PKNOX2: variants seen among roughly 807,000 people sequenced by gnomAD.
PKNOX2 encodes the protein homeobox protein PKNOX2.
Under a neutral mutation model 53.1 loss-of-function variants are expected in PKNOX2, and 14 were observed. The observed-to-expected ratio is 0.26, with a 90% CI of 0.17 to 0.41. The LOEUF (loss-of-function observed/expected upper bound fraction) is 0.41. Among genes scored for constraint, PKNOX2 ranks in the 10% least tolerant of loss-of-function variants. PKNOX2 has a pLI of 1.00. For missense variants in PKNOX2, 496 were observed against 602.8 expected, an observed-to-expected ratio of 0.82 and a Z score of 1.85; for synonymous variants, 257 against 242.8, an observed-to-expected ratio of 1.06 and a Z score of -0.54.
chr11:125,212,077 C>A (rs189637050), intron 1 of PKNOX2, among the ~76,000 whole-genome samples: 1 of 152,254 alleles, frequency 6.6e-6, no homozygotes, highest in East Asian at 1.9e-4. Flanking sequence ...CCTCGCAATC[C>A]TTTTCATGTT....
chr11:125,425,429 C>G (rs1229881672), intron 10 of PKNOX2, among the ~76,000 whole-genome samples: 1 of 152,154 alleles, frequency 6.6e-6, no homozygotes, highest in Non-Finnish European at 1.5e-5. Context: ...GTATCTACTT[C>G]TTTTTCAAGG....
At chr11:125,406,281 G>T (rs4553379) in intron 7 of PKNOX2, among the ~76,000 whole-genome samples, 51 of 152,168 alleles carry the variant, frequency 3.4e-4, no homozygotes, top group Non-Finnish European at 6.9e-4. Flanking sequence ...GACTAAGCCT[G>T]GACTGGAAAT....
intron 1 of PKNOX2, among the ~76,000 whole-genome samples, chr11:125,169,821 G>A (rs1258087266): frequency 6.6e-6 from 1 of 152,214 alleles, no homozygotes; most frequent in Non-Finnish European, 1.5e-5. Context: ...TAGTAAAGGG[G>A]CTGAATTCCT....
chr11:125,320,154 A>G (rs997801035), intron 2 of PKNOX2, among the ~76,000 whole-genome samples: 15 of 152,266 alleles, frequency 9.9e-5, no homozygotes, highest in Admixed American at 4.6e-4. Flanking sequence ...AAGTCTATAG[A>G]ATGTTCCGGT....
At chr11:125,309,286 G>T (rs553401481) in intron 2 of PKNOX2, among the ~76,000 whole-genome samples, 43 of 148,504 alleles carry the variant, frequency 2.9e-4, no homozygotes, top group Non-Finnish European at 5.9e-4. Context: ...GGTACCAACT[G>T]AATTTTCATT....
chr11:125,241,891 A>G (rs903970404), intron 2 of PKNOX2, among the ~76,000 whole-genome samples: 3 of 152,104 alleles, frequency 2.0e-5, no homozygotes, highest in African/African-American at 7.2e-5. Context: ...AAAAAGAGAG[A>G]GAGAGAGAAA....
intron 2 of PKNOX2, among the ~76,000 whole-genome samples, chr11:125,251,908 G>T (rs1591497037): frequency 6.7e-6 from 1 of 150,210 alleles, no homozygotes; most frequent in East Asian, 2.0e-4. Flanking sequence ...TCTCTTCATT[G>T]TTCATTCATT....
chr11:125,391,254 T>TC (rs1436322422), intron 6 of PKNOX2, among the ~76,000 whole-genome samples: 1 of 152,206 alleles, frequency 6.6e-6, no homozygotes, highest in Non-Finnish European at 1.5e-5. Flanking sequence ...ATTGCCTGTG[T>TC]CCCTGTGGTG....
chr11:125,290,485 A>G (rs548295675), intron 2 of PKNOX2, among the ~76,000 whole-genome samples: 12 of 152,206 alleles, frequency 7.9e-5, no homozygotes, highest in Non-Finnish European at 1.3e-4. Context: ...ATGATAAAGG[A>G]ATGAATAAAT....
intron 2 of PKNOX2, among the ~76,000 whole-genome samples, chr11:125,236,558 G>A (rs376665963): frequency 3.9e-5 from 6 of 152,156 alleles, no homozygotes; most frequent in African/African-American, 9.7e-5. Context: ...GCATCCCCCC[G>A]ATCCCTGAGG....
intron 2 of PKNOX2, among the ~76,000 whole-genome samples, chr11:125,250,223 A>T (rs376370424): frequency 6.6e-5 from 10 of 152,226 alleles, no homozygotes; most frequent in Admixed American, 6.5e-4. Flanking sequence ...GCTTGGGGTG[A>T]TAAATTTGAG....
chr11:125,178,577 G>GAAAGAAAGAAAGAAAGAAA (rs1565462257), intron 1 of PKNOX2, among the ~76,000 whole-genome samples: 1 of 34,098 alleles, frequency 2.9e-5, no homozygotes, highest in African/African-American at 1.9e-4. Context: ...AAGGAAGGAA[G>GAAAGAAAGAAAGAAAGAAA]GAAGGAAGGA....
chr11:125,196,851 C>T (rs1937754242), intron 1 of PKNOX2, among the ~76,000 whole-genome samples: 1 of 152,194 alleles, frequency 6.6e-6, no homozygotes, highest in African/African-American at 2.4e-5. Flanking sequence ...TAAAAGGGTC[C>T]TCTCCTCATG....
chr11:125,213,800 T>G (rs956787946), intron 1 of PKNOX2, among the ~76,000 whole-genome samples: 1 of 152,096 alleles, frequency 6.6e-6, no homozygotes, highest in African/African-American at 2.4e-5. Context: ...TTTCAAATTC[T>G]ACGGCAATTC....
Position 125,431,582 on chromosome 11 carries a change from C to T in PKNOX2, c.*190C>T. The T allele has an allele frequency of 1.5e-6, 1 of 653,622 alleles. No individual in the cohort carries two copies. Among genetic ancestry groups the T allele is most frequent in the Non-Finnish European group, 2.6e-6 (1 of 390,368 alleles). 40.5% of individuals were successfully genotyped at this position (653,622 alleles called of 1,614,324 possible). On this transcript the variant is annotated 3_prime_UTR_variant, in exon 13 of 13. Transcript: ENST00000298282. ...CCCAACCACCGAGCTTCAATGAGGA[C>T]CCCAGCCCCACTTCCCTGGAACTGC... is the stretch of plus-strand genomic sequence containing the variant.
intron 2 of PKNOX2, among the ~76,000 whole-genome samples, chr11:125,249,512 A>G (rs1591495964): frequency 6.6e-6 from 1 of 152,350 alleles, no homozygotes; most frequent in East Asian, 1.9e-4. Context: ...TATTTCCTAA[A>G]CAATATAGTA....
intron 10 of PKNOX2, among the ~76,000 whole-genome samples, chr11:125,423,379 G>A (rs760174571): frequency 5.9e-5 from 9 of 152,060 alleles, no homozygotes; most frequent in Non-Finnish European, 7.4e-5. Context: ...CTGAATATAC[G>A]TTCAACAATA....
intron 3 of PKNOX2, among the ~76,000 whole-genome samples, chr11:125,341,024 TG>T (rs1950655214): frequency 8.7e-6 from 1 of 114,898 alleles, no homozygotes; most frequent in Non-Finnish European, 1.7e-5. Flanking sequence ...CACTCCAGCC[TG>T]GGTGACAGAG....
intron 1 of PKNOX2, among the ~76,000 whole-genome samples, chr11:125,220,539 C>A (rs1662609413): frequency 6.6e-6 from 1 of 152,040 alleles, no homozygotes; most frequent in Non-Finnish European, 1.5e-5. Flanking sequence ...GTGGAAGATG[C>A]CACCATTGTG....
Sources: allele counts gnomAD v4.1 joint callset (sites outside exome capture counted in the v4.1 genomes callset), GRCh38; gene constraint gnomAD v4.1.1; transcripts MANE v1.5; gene names NCBI Gene and HGNC (gene_info 2026-07-23, HGNC 2026-07-21).